GLCCI1: variants seen among roughly 807,000 people sequenced by gnomAD.
The protein encoded by GLCCI1 is glucocorticoid induced 1.
Under a neutral mutation model 52.2 loss-of-function variants are expected in GLCCI1, and 24 were observed. That is an observed-to-expected ratio of 0.46 (90% CI 0.33 to 0.65). GLCCI1 has a LOEUF of 0.65. GLCCI1 is among the 30% of genes least tolerant of loss of function. The pLI is 0.02. For synonymous variants in GLCCI1, 310 were observed against 276.5 expected (o/e 1.12, Z -1.20); for missense variants, 704 against 701.5 (o/e 1.00, Z -0.04).
intron 6 of GLCCI1, among the ~76,000 whole-genome samples, chr7:8,071,394 A>G (rs559203498): frequency 4.6e-4 from 70 of 152,306 alleles, no homozygotes; most frequent in African/African-American, 1.6e-3. Context: ...GTACAACTTC[A>G]TATAATGCAT....
chr7:7,971,666 T>C (rs925824647), intron 1 of GLCCI1, among the ~76,000 whole-genome samples: 2 of 152,236 alleles, frequency 1.3e-5, no homozygotes, highest in African/African-American at 4.8e-5. Flanking sequence ...TTCTGCATCC[T>C]TCAAAAGGCT....
intron 3 of GLCCI1, among the ~76,000 whole-genome samples, chr7:8,029,169 A>G (rs1188690876): frequency 6.6e-6 from 1 of 152,166 alleles, no homozygotes; most frequent in Non-Finnish European, 1.5e-5. Context: ...CAATAGGGCA[A>G]TTTATCTGAT....
intron 4 of GLCCI1, 50 bp from the exon 5 acceptor site, chr7:8,060,046 G>C: frequency 1.3e-6 from 2 of 1,496,042 alleles, no homozygotes; most frequent in Middle Eastern, 1.8e-4. Flanking sequence ...TTTAGTTCTT[G>C]ATTGCTTTGA....
chr7:8,069,838 TGATC>T (rs1782715535), intron 5 of GLCCI1, among the ~76,000 whole-genome samples: 2 of 152,204 alleles, frequency 1.3e-5, no homozygotes, highest in Non-Finnish European at 2.9e-5. Context: ...GAAATGACAA[TGATC>T]AGAGTAAGAG....
rs538191732 is a variant in GLCCI1 at position 8,039,722 on chromosome 7, C to T, written c.697-15711C>T. 2.0e-5 allele frequency among the ~76,000 whole-genome samples: 3 copies of T among 152,272 alleles called. No individual in the cohort carries two copies. In the South Asian group the frequency reaches 6.2e-4, roughly 32 times the overall value. On this transcript the variant is annotated intron_variant, in intron 3 of 7. Coordinates refer to ENST00000223145, the MANE Select transcript of GLCCI1 (RefSeq NM_138426.4). ...ACTAAAAGCCCAGACTTCAGCCGGG[C>T]GCAGTGGCCCACGCCTGTAATTCCA...
At chr7:8,030,609 G>A (rs1023738868) in intron 3 of GLCCI1, among the ~76,000 whole-genome samples, 6 of 151,880 alleles carry the variant, frequency 4.0e-5, no homozygotes, top group African/African-American at 1.5e-4. Context: ...CCACAGAATG[G>A]GAGAAAATAT....
chr7:7,976,580 G>A (rs1220253703), intron 1 of GLCCI1, among the ~76,000 whole-genome samples: 1 of 150,774 alleles, frequency 6.6e-6, no homozygotes, highest in Non-Finnish European at 1.5e-5. Flanking sequence ...TGTGTGGCAA[G>A]GTCAGTGTCC....
rs116960194 is a variant in GLCCI1, at chr7:8,003,908, C to T, written c.458C>T (p.Ala153Val). 6.3e-4 allele frequency: 1,013 copies of T among 1,604,732 alleles called. No homozygotes were observed. The highest frequency in any genetic ancestry group is 8.1e-4 in the Non-Finnish European group (957 of 1,176,174). Residue 153 changes from alanine to valine, a missense_variant and splice_region_variant, in exon 2 of 8, where the codon GCG (alanine) becomes GTG (valine). By Grantham distance (64) the Ala-to-Val change is moderately conservative. Transcript: ENST00000223145. ...RRSPGSPVCR[A>V]DKAKSQQVRT... ...TAATCTTTTTTTTCACTTTCTGTAG[C>T]GGACAAGGCAAAATCTCAGCAAGTT...
At chr7:8,078,646 A>G (rs1782924845) in intron 6 of GLCCI1, 1 of 151,976 alleles carries the variant, frequency 6.6e-6, no homozygotes, top group Non-Finnish European at 1.5e-5. Flanking sequence ...GGGAGACCAC[A>G]GGTATAGGGC....
At chr7:8,069,595 C>T (rs535635117) in intron 5 of GLCCI1, among the ~76,000 whole-genome samples, 1 of 152,236 alleles carries the variant, frequency 6.6e-6, no homozygotes, top group African/African-American at 2.4e-5. Flanking sequence ...AGGACATGGG[C>T]TCCTCTCTGT....
At chr7:7,998,218 G>A (rs549113873) in intron 1 of GLCCI1, among the ~76,000 whole-genome samples, 13 of 143,114 alleles carry the variant, frequency 9.1e-5, no homozygotes, top group East Asian at 6.1e-4. Flanking sequence ...GTTTTGTTTC[G>A]TTTTGTTTTG....
chr7:8,059,895 G>A (rs931676549), intron 4 of GLCCI1, among the ~76,000 whole-genome samples: 1 of 152,106 alleles, frequency 6.6e-6, no homozygotes, highest in African/African-American at 2.4e-5. Context: ...GATTTGAAAG[G>A]ATTATTTTGA....
intron 6 of GLCCI1, among the ~76,000 whole-genome samples, chr7:8,082,713 A>G (rs1002678525): frequency 6.6e-6 from 1 of 152,198 alleles, no homozygotes; most frequent in Non-Finnish European, 1.5e-5. Context: ...TAAGAGGGTA[A>G]AACTCTGTTA....
chr7:8,001,263 A>T (rs913988931), intron 1 of GLCCI1, among the ~76,000 whole-genome samples: 5 of 152,142 alleles, frequency 3.3e-5, no homozygotes, highest in African/African-American at 1.2e-4. Context: ...ACATTTGCTT[A>T]TCTGTAAAGA....
At chr7:8,081,861 T>C (rs1405552786) in intron 6 of GLCCI1, among the ~76,000 whole-genome samples, 2 of 152,212 alleles carry the variant, frequency 1.3e-5, no homozygotes, top group African/African-American at 4.8e-5. Context: ...GTGATTGTTA[T>C]AAATATATAA....
intron 5 of GLCCI1, among the ~76,000 whole-genome samples, chr7:8,065,546 G>A (rs1002773131): frequency 6.6e-6 from 1 of 152,250 alleles, no homozygotes; most frequent in South Asian, 2.1e-4. Context: ...GTTTTTCTTG[G>A]ATGGCTCTTC....
At chr7:8,053,497 A>ATTT (rs35685744) in intron 3 of GLCCI1, among the ~76,000 whole-genome samples, 74 of 112,050 alleles carry the variant, frequency 6.6e-4, no homozygotes, top group African/African-American at 2.4e-3. Context: ...TAATTTTTGT[A>ATTT]TTTTTTTTTT....
chr7:7,981,264 T>TTTTCTTTC lies in GLCCI1; in HGVS notation c.457+11471_457+11478dup, dbSNP rs528707062. On this transcript the variant is annotated intron_variant, in intron 1 of 7. Coordinates refer to ENST00000223145, the MANE Select transcript of GLCCI1 (RefSeq NM_138426.4). Reference sequence around the variant, plus strand: ...TTTCTTTCTTTCTTTCTTTCTCTTTTTTTCTTTCTTTCTTTCTTTCTCTCT... The same window carrying TTTTCTTTC: ...TTTCTTTCTTTCTTTCTTTCTCTTTTTTTCTTTCTTTCTTTCTTTCTTTCTTTCTCTCT... 946 of 247,222 alleles carry TTTTCTTTC rather than the reference T, an allele frequency of 3.8e-3. 7 individuals are homozygous for TTTTCTTTC. The highest frequency in any genetic ancestry group is 0.021 in the African/African-American group (865 of 41,606). 15.3% of individuals were successfully genotyped at this position (247,222 alleles called of 1,614,324 possible). A position where few individuals can be genotyped will look rare whatever the true frequency, so the allele number is the denominator to read the frequency against.
At chr7:8,073,113 T>C (rs1246138594) in intron 6 of GLCCI1, among the ~76,000 whole-genome samples, 1 of 152,144 alleles carries the variant, frequency 6.6e-6, no homozygotes, top group Non-Finnish European at 1.5e-5. Flanking sequence ...GCAGGAGACA[T>C]TGTAACATAG....
Sources: gnomAD v4.1 joint callset for allele counts (sites outside exome capture counted in the v4.1 genomes callset) on GRCh38, gnomAD v4.1.1 for gene constraint, MANE v1.5 for transcripts, NCBI Gene and HGNC (gene_info 2026-07-23, HGNC 2026-07-21) for gene names.